Variants in ITGA9 observed in about 807,000 individuals in gnomAD.
ITGA9 encodes integrin subunit alpha 9, also known as integrin alpha-9.
Under a neutral mutation model 127.8 loss-of-function variants are expected in ITGA9, and 56 were observed. The ratio of observed to expected loss-of-function variants is 0.44; its 90% CI spans 0.35 to 0.55. The LOEUF is 0.55. ITGA9 is among the 20% of genes least tolerant of loss of function. The pLI, the probability that ITGA9 is intolerant of heterozygous loss-of-function variation, is 0.00. For missense variants in ITGA9, 1,196 were observed against 1,347.1 expected (o/e 0.89, Z 1.76); for synonymous variants, 508 against 514.5 (o/e 0.99, Z 0.17).
At chr3:37,476,825 G>T (rs528532931) in intron 3 of ITGA9, among the ~76,000 whole-genome samples, 1 of 152,298 alleles carries the variant, frequency 6.6e-6, no homozygotes, top group East Asian at 1.9e-4. Context: ...GCCACTTGGG[G>T]ATAGAGACCA....
In ITGA9 at chr3:37,518,771, C is replaced by CTTTTTTTTTTTT. The variant is rs543297344; in HGVS notation, c.1142-469_1142-458dup. 8.5e-4 allele frequency among the ~76,000 whole-genome samples: 37 copies of CTTTTTTTTTTTT among 43,516 alleles called. 10 individuals are homozygous for CTTTTTTTTTTTT. Among genetic ancestry groups the CTTTTTTTTTTTT allele is most frequent in the African/African-American group, 2.7e-3 (29 of 10,724 alleles). The allele number at this position is 43,516 out of a possible 152,430, so 28.5% of individuals were successfully genotyped here. A position where few individuals can be genotyped will look rare whatever the true frequency, so the allele number is the denominator to read the frequency against. On this transcript the variant is annotated intron_variant, in intron 10 of 27. Transcript: ENST00000264741. Reference sequence around the variant, plus strand: ...GTCAGCTTCTATAGTTTTCACTGTACTTTTTTTTTTTTTTTTTTTTTTTTT... The same window carrying CTTTTTTTTTTTT: ...GTCAGCTTCTATAGTTTTCACTGTACTTTTTTTTTTTTTTTTTTTTTTTTTTTTTTTTTTTTT...
At chr3:37,727,783 C>T (rs919843409) in intron 18 of ITGA9, among the ~76,000 whole-genome samples, 1 of 152,172 alleles carries the variant, frequency 6.6e-6, no homozygotes, top group Admixed American at 6.5e-5. Context: ...CTAAGGGCTT[C>T]TCTTGATCTT....
rs775282230 is a variant in ITGA9 at position 37,471,132 on chromosome 3, G to A, written c.311G>A (p.Arg104Gln). ...AGATGCACCGAACTGGACATGGCTC[G>A]AGGTGGGTGACCATTACTGCTGTGG... ...DRRCTELDMARGKNRGTSCGK... is the reference protein window; with the variant it reads ...DRRCTELDMAQGKNRGTSCGK... The change falls in exon 2 of 28, where the codon CGA becomes CAA. Residue 104 changes from arginine (R) to glutamine (Q), a missense_variant and splice_region_variant. Transcript: ENST00000264741. 6.2e-6 allele frequency: 10 copies of A among 1,613,798 alleles called. No individual in the cohort carries two copies. The highest frequency in any genetic ancestry group is 2.7e-5 in the African/African-American group (2 of 74,870).
chr3:37,496,656 G>A (rs1363768491), intron 5 of ITGA9, among the ~76,000 whole-genome samples: 1 of 152,170 alleles, frequency 6.6e-6, no homozygotes, highest in Non-Finnish European at 1.5e-5. Flanking sequence ...CCTTGCTCAG[G>A]ACTTTCTGGT....
At position 37,505,992 on chromosome 3, in the gene ITGA9, C is replaced by T. The variant is rs1173882828; in HGVS notation, c.743-8C>T. ...ACCGTGTGCTTGGTTTCCGCCCATCCTGTTCAGGCTACGCAGTGACCGCTG... is the reference window on the plus strand; with the variant it reads ...ACCGTGTGCTTGGTTTCCGCCCATCTTGTTCAGGCTACGCAGTGACCGCTG... On this transcript the variant is annotated splice_region_variant and splice_polypyrimidine_tract_variant and intron_variant, in intron 6 of 27. Coordinates refer to ENST00000264741, the MANE Select transcript of ITGA9 (RefSeq NM_002207.3). 6.3e-7 allele frequency: 1 copy of T among 1,596,252 alleles called. No individual in the cohort carries two copies.
chr3:37,484,447 A>T (rs426776), intron 4 of ITGA9, among the ~76,000 whole-genome samples: 98,137 of 152,030 alleles, frequency 0.65, 31,791 homozygotes, highest in Middle Eastern at 0.71. Context: ...TAGACCTACT[A>T]TGGCTTTTAA....
chr3:37,672,372 G>A (rs555419753), intron 17 of ITGA9, among the ~76,000 whole-genome samples: 2 of 152,214 alleles, frequency 1.3e-5, no homozygotes, highest in African/African-American at 4.8e-5. Flanking sequence ...TTTATAAAGG[G>A]GAGTTCCCCT....
At chr3:37,610,450 A>G (rs896340283) in intron 15 of ITGA9, among the ~76,000 whole-genome samples, 1 of 152,204 alleles carries the variant, frequency 6.6e-6, no homozygotes. Flanking sequence ...TCCTACTTGC[A>G]AAGACTCTGG....
intron 15 of ITGA9, among the ~76,000 whole-genome samples, chr3:37,574,093 T>C (rs1359939454): frequency 6.6e-6 from 1 of 152,226 alleles, no homozygotes; most frequent in Non-Finnish European, 1.5e-5. Context: ...ATGTCCTGTC[T>C]TGCTTATGTT....
chr3:37,512,120 C>CCTTCCTTCTTTTCTTTTCTTTTCT (rs1698929069), intron 8 of ITGA9, among the ~76,000 whole-genome samples: 1 of 39,450 alleles, frequency 2.5e-5, no homozygotes, highest in Non-Finnish European at 4.7e-5. Context: ...TTCCTTCCTT[C>CCTTCCTTCTTTTCTTTTCTTTTCT]TTTCTTTTCT....
At chr3:37,473,282 G>A (rs1698456008) in intron 2 of ITGA9, 72 bp from the exon 3 acceptor site, 2 of 1,166,654 alleles carry the variant, frequency 1.7e-6, no homozygotes. Context: ...TAGGGCTGTG[G>A]ACCACCCTTT....
chr3:37,661,915 G>T (rs1478153105), intron 17 of ITGA9, among the ~76,000 whole-genome samples: 3 of 152,204 alleles, frequency 2.0e-5, no homozygotes, highest in Non-Finnish European at 1.5e-5. Flanking sequence ...GTGAGCAGAA[G>T]TATGGAGAAC....
At chr3:37,531,701 C>T (rs888391381) in intron 13 of ITGA9, among the ~76,000 whole-genome samples, 3 of 152,184 alleles carry the variant, frequency 2.0e-5, no homozygotes, top group Non-Finnish European at 4.4e-5. Context: ...TTTGGACACT[C>T]GTGGTTTTCA....
intron 15 of ITGA9, among the ~76,000 whole-genome samples, chr3:37,585,377 T>C (rs1227629309): frequency 1.3e-5 from 2 of 152,174 alleles, no homozygotes; most frequent in African/African-American, 4.8e-5. Context: ...GAAGAGCCCA[T>C]GGAATGTCAG....
At chr3:37,700,385 A>C (rs1575198814) in intron 18 of ITGA9, among the ~76,000 whole-genome samples, 1 of 145,868 alleles carries the variant, frequency 6.9e-6, no homozygotes, top group Non-Finnish European at 1.5e-5. Context: ...ACAAGGTCTC[A>C]CTCTGTTGCC....
intron 10 of ITGA9, 37 bp downstream of exon 10, chr3:37,517,646 G>GTGCA: frequency 7.0e-7 from 1 of 1,426,878 alleles, no homozygotes; most frequent in Middle Eastern, 2.1e-4. Flanking sequence ...GCCCCTCCAG[G>GTGCA]TGCAGCACGC....
chr3:37,789,724 A>G (rs1185245292), intron 26 of ITGA9, among the ~76,000 whole-genome samples: 1 of 131,942 alleles, frequency 7.6e-6, no homozygotes. Flanking sequence ...AGCTGAGATC[A>G]CGCCACTGCA....
intron 23 of ITGA9, among the ~76,000 whole-genome samples, chr3:37,772,407 CA>C (rs1232057865): frequency 6.3e-5 from 9 of 143,102 alleles, no homozygotes; most frequent in Middle Eastern, 3.4e-3. Context: ...GACTCCATCT[CA>C]AAAAAAAAAC....
intron 6 of ITGA9, among the ~76,000 whole-genome samples, chr3:37,505,041 T>C (rs1259773581): frequency 1.3e-5 from 2 of 152,176 alleles, no homozygotes; most frequent in African/African-American, 2.4e-5. Flanking sequence ...TTTGCATCCA[T>C]ATTTTTTCAC....
Sources: gnomAD v4.1 joint callset for allele counts (sites outside exome capture counted in the v4.1 genomes callset) on GRCh38, gnomAD v4.1.1 for gene constraint, MANE v1.5 for transcripts, NCBI Gene and HGNC (gene_info 2026-07-23, HGNC 2026-07-21) for gene names.